TENM4: variants seen among roughly 807,000 people sequenced by gnomAD.
The protein encoded by TENM4 is teneurin transmembrane protein 4, also known as teneurin-4.
In TENM4, 82 loss-of-function variants were observed where a neutral mutation model predicts 243.3. The ratio of observed to expected loss-of-function variants is 0.34; its 90% CI spans 0.28 to 0.40. TENM4 has a LOEUF of 0.40. Among genes scored for constraint, TENM4 ranks in the 10% least tolerant of loss-of-function variants. The pLI, the probability that TENM4 is intolerant of heterozygous loss-of-function variation, is 1.00. For missense variants in TENM4, 3,138 were observed against 3,673.3 expected, an observed-to-expected ratio of 0.85 and a Z score of 3.77; for synonymous variants, 1,412 against 1,456.3, an observed-to-expected ratio of 0.97 and a Z score of 0.69.
Position 78,805,277 on chromosome 11 carries a change from T to TGCCCCCCCCCCCCACCCCCCCCC in TENM4, c.2179+14_2179+15insGGGGGGGGGTGGGGGGGGGGGGC. The stretch of plus-strand genomic sequence containing the variant: ...CCCCTCCCTCTACCCATGCTTCTTC[T>TGCCCCCCCCCCCCACCCCCCCCC]CCCCCTGCATTTACCGATAGAACAG... On this transcript the variant is annotated intron_variant, in intron 15 of 33. Transcript: ENST00000278550. 1.4e-6 allele frequency: 2 copies of TGCCCCCCCCCCCCACCCCCCCCC among 1,402,550 alleles called. No homozygotes were observed. Among genetic ancestry groups the TGCCCCCCCCCCCCACCCCCCCCC allele is most frequent in the East Asian group, 3.1e-5 (1 of 32,218 alleles). 86.9% of individuals were successfully genotyped at this position (1,402,550 alleles called of 1,614,324 possible). A position where few individuals can be genotyped will look rare whatever the true frequency, so the allele number is the denominator to read the frequency against.
rs146033405 is a variant in TENM4, at chr11:78,944,933, C to T, written c.494-41410G>A. Among the ~76,000 whole-genome samples, 154 of 152,262 alleles carry T rather than the reference C, an allele frequency of 1.0e-3. 1 individual carries two copies. Among genetic ancestry groups the T allele is most frequent in the Middle Eastern group, 3.4e-3 (1 of 294 alleles). ...GTCTGTCTGACTTCAAAGCTTCTCC[C>T]GCCCTTCTACTAAAAACTCTTAATA... On this transcript the variant is annotated intron_variant, in intron 6 of 33. Coordinates refer to ENST00000278550, the MANE Select transcript of TENM4 (RefSeq NM_001098816.3).
At chr11:78,829,359 G>A (rs1005072445) in intron 12 of TENM4, among the ~76,000 whole-genome samples, 4 of 152,190 alleles carry the variant, frequency 2.6e-5, no homozygotes, top group Non-Finnish European at 5.9e-5. Context: ...CTCACTAGTT[G>A]TGTAACCTTG....
rs946779746 is a variant in TENM4, at chr11:79,386,610, A to G, written c.-321+53899T>C. 7.2e-5 allele frequency among the ~76,000 whole-genome samples: 11 copies of G among 152,318 alleles called. 1 individual carries two copies. The highest frequency in any genetic ancestry group is 3.9e-4 in the Admixed American group (6 of 15,304). ...AAAGACTTGAACAGGCATTTCACAA[A>G]AGAAGACATCCAAATGGCCAGTAAA... is the stretch of plus-strand genomic sequence containing the variant. On this transcript the variant is annotated intron_variant, in intron 1 of 33. Coordinates refer to ENST00000278550, the MANE Select transcript of TENM4 (RefSeq NM_001098816.3).
intron 7 of TENM4, among the ~76,000 whole-genome samples, chr11:78,892,799 G>C (rs917319361): frequency 2.6e-5 from 4 of 152,192 alleles, no homozygotes; most frequent in Non-Finnish European, 5.9e-5. Flanking sequence ...AAAGCTTGTA[G>C]AAGCAACTTT....
intron 24 of TENM4, among the ~76,000 whole-genome samples, 200 bp downstream of exon 24, chr11:78,722,468 C>T (rs1426995535): frequency 6.6e-6 from 1 of 152,192 alleles, no homozygotes; most frequent in Admixed American, 6.5e-5. Context: ...GGACATCTCC[C>T]TGTCCTGGGT....
At chr11:78,865,829 T>A (rs1372568149) in intron 9 of TENM4, among the ~76,000 whole-genome samples, 16 of 152,210 alleles carry the variant, frequency 1.1e-4, no homozygotes. Flanking sequence ...TAGTTTTGAA[T>A]CTCAGCTGCC....
At chr11:79,032,052 C>T (rs1859254975) in intron 6 of TENM4, among the ~76,000 whole-genome samples, 1 of 152,160 alleles carries the variant, frequency 6.6e-6, no homozygotes, top group African/African-American at 2.4e-5. Context: ...GAATCTCAGG[C>T]CTCACTTAGA....
intron 1 of TENM4, among the ~76,000 whole-genome samples, chr11:79,318,164 A>G (rs748931486): frequency 2.6e-5 from 4 of 152,148 alleles, no homozygotes; most frequent in Non-Finnish European, 5.9e-5. Flanking sequence ...TCTGAATACA[A>G]AGACAGTCAA....
At chr11:78,877,223 G>GT (rs199547840) in intron 9 of TENM4, among the ~76,000 whole-genome samples, 1,961 of 102,260 alleles carry the variant, frequency 0.019, 39 homozygotes, top group African/African-American at 0.048. Context: ...GAAATACTGT[G>GT]GTTTTTTCAG....
At position 78,731,714 on chromosome 11, in the gene TENM4, T is replaced by C. The variant is rs1278859017; in HGVS notation, c.3138+602A>G. ...TCAGATTAAAATGCATCTTTCCCAA[T>C]TACTTTCTTTTAATGATAGTTAAGT... is the stretch of plus-strand genomic sequence containing the variant. On this transcript the variant is annotated intron_variant, in intron 21 of 33. Coordinates refer to ENST00000278550, the MANE Select transcript of TENM4 (RefSeq NM_001098816.3). Among the ~76,000 whole-genome samples the C allele has an allele frequency of 2.0e-5, 3 of 152,234 alleles. No individual in the cohort carries two copies. The East Asian group carries it at 5.8e-4, about 29-fold the overall frequency.
intron 1 of TENM4, among the ~76,000 whole-genome samples, chr11:79,336,717 C>A (rs1590889347): frequency 6.6e-6 from 1 of 152,256 alleles, no homozygotes; most frequent in Admixed American, 6.5e-5. Context: ...AGACCCAGGC[C>A]CAAAAGGATG....
At chr11:79,352,085 T>C (rs573542147) in intron 1 of TENM4, among the ~76,000 whole-genome samples, 4 of 152,350 alleles carry the variant, frequency 2.6e-5, no homozygotes, top group African/African-American at 7.2e-5. Flanking sequence ...GAAACATATG[T>C]GCTGCATAGT....
intron 1 of TENM4, among the ~76,000 whole-genome samples, chr11:79,390,419 C>T (rs555374765): frequency 5.3e-5 from 8 of 152,340 alleles, no homozygotes; most frequent in African/African-American, 1.9e-4. Flanking sequence ...CTTCCTGGCA[C>T]CTCTGTGCAT....
chr11:78,822,743 A>T (rs74651709), intron 12 of TENM4, among the ~76,000 whole-genome samples: 6,427 of 151,564 alleles, frequency 0.042, 415 homozygotes, highest in African/African-American at 0.14. Context: ...TTTTTTTTTT[A>T]AAAAAAGAAA....
At chr11:78,884,900 C>T (rs758943459) in intron 9 of TENM4, among the ~76,000 whole-genome samples, 2 of 152,064 alleles carry the variant, frequency 1.3e-5, no homozygotes, top group Non-Finnish European at 2.9e-5. Context: ...CTGTCAATTG[C>T]GAATAATAAC....
intron 2 of TENM4, among the ~76,000 whole-genome samples, chr11:79,252,622 C>T (rs750650275): frequency 9.2e-5 from 14 of 152,320 alleles, no homozygotes; most frequent in Middle Eastern, 3.4e-3. Context: ...AAGATTGAAT[C>T]ATTGCTCCTA....
intron 6 of TENM4, among the ~76,000 whole-genome samples, chr11:79,036,179 C>T (rs1281736371): frequency 6.6e-6 from 1 of 152,246 alleles, no homozygotes; most frequent in Non-Finnish European, 1.5e-5. Flanking sequence ...TTCTGCATTT[C>T]TCATCAGCTT....
intron 6 of TENM4, among the ~76,000 whole-genome samples, chr11:78,957,833 T>G (rs1857239565): frequency 1.3e-5 from 2 of 152,228 alleles, no homozygotes; most frequent in African/African-American, 2.4e-5. Context: ...CGTAAAGGTT[T>G]GTGAGGTAAA....
chr11:79,324,649 C>A (rs1280845998), intron 1 of TENM4, among the ~76,000 whole-genome samples: 1 of 151,922 alleles, frequency 6.6e-6, no homozygotes, highest in Non-Finnish European at 1.5e-5. Context: ...ATCACAAATA[C>A]ACATATATAT....
Sources: allele counts gnomAD v4.1 joint callset (sites outside exome capture counted in the v4.1 genomes callset), GRCh38; gene constraint gnomAD v4.1.1; transcripts MANE v1.5; gene names NCBI Gene and HGNC (gene_info 2026-07-23, HGNC 2026-07-21).